TMEM132C: variants seen among roughly 807,000 people sequenced by gnomAD.
TMEM132C encodes protein phosphatase 1, regulatory subunit 152.
TMEM132C carries 29 observed loss-of-function variants against 61.4 expected under a neutral mutation model. The observed-to-expected ratio is 0.47, with a 90% CI of 0.35 to 0.64. The LOEUF is 0.64. Among genes scored for constraint, TMEM132C ranks in the 30% least tolerant of loss-of-function variants. TMEM132C has a pLI of 0.00. For synonymous variants in TMEM132C, 656 were observed against 633.1 expected, an observed-to-expected ratio of 1.04 and a Z score of -0.54; for missense variants, 1,408 against 1,476.9, an observed-to-expected ratio of 0.95 and a Z score of 0.76.
intron 1 of TMEM132C, among the ~76,000 whole-genome samples, chr12:128,328,540 G>A (rs941420206): frequency 2.7e-4 from 41 of 152,286 alleles, no homozygotes; most frequent in Admixed American, 1.3e-3. Flanking sequence ...TGTAATCCCA[G>A]CACTTTGGGA....
chr12:128,622,354 A>AT (rs1953971029), intron 4 of TMEM132C, among the ~76,000 whole-genome samples: 2 of 66,280 alleles, frequency 3.0e-5, no homozygotes, highest in Non-Finnish European at 2.9e-5. Context: ...AAAAAAAAAA[A>AT]AAAAAAATAT....
At chr12:128,591,195 T>A (rs554810524) in intron 3 of TMEM132C, among the ~76,000 whole-genome samples, 1 of 152,340 alleles carries the variant, frequency 6.6e-6, no homozygotes, top group Admixed American at 6.5e-5. Context: ...TGCAGAACTA[T>A]CACCACAATC....
chr12:128,607,273 G>A (rs1169206627), intron 3 of TMEM132C, among the ~76,000 whole-genome samples: 1 of 152,192 alleles, frequency 6.6e-6, no homozygotes, highest in East Asian at 1.9e-4. Context: ...TGAGCAAGGG[G>A]AGGGGTAGGA....
chr12:128,281,521 T>A (rs1408378372), intron 1 of TMEM132C, among the ~76,000 whole-genome samples: 1 of 152,232 alleles, frequency 6.6e-6, no homozygotes, highest in Non-Finnish European at 1.5e-5. Context: ...TCAAATGACC[T>A]AATGTCTATT....
chr12:128,578,770 G>A (rs1028059635), intron 3 of TMEM132C, among the ~76,000 whole-genome samples: 1 of 151,990 alleles, frequency 6.6e-6, no homozygotes, highest in Admixed American at 6.6e-5. Context: ...GCTAATTTTT[G>A]TATTTTTAGT....
At chr12:128,501,180 A>G (rs905526233) in intron 2 of TMEM132C, among the ~76,000 whole-genome samples, 2 of 152,104 alleles carry the variant, frequency 1.3e-5, no homozygotes, top group Admixed American at 6.5e-5. Context: ...CTAAGACTCT[A>G]TTCCATGGTA....
chr12:128,701,181 T>C (rs891731809), intron 8 of TMEM132C, among the ~76,000 whole-genome samples: 1 of 151,662 alleles, frequency 6.6e-6, no homozygotes, highest in African/African-American at 2.4e-5. Flanking sequence ...CCTTGGCACA[T>C]CTTGCTGTAG....
intron 2 of TMEM132C, among the ~76,000 whole-genome samples, chr12:128,468,804 AAAG>A (rs1218299056): frequency 6.6e-6 from 1 of 152,212 alleles, no homozygotes; most frequent in Non-Finnish European, 1.5e-5. Context: ...TATTAGAAAA[AAAG>A]AAAACACTAT....
intron 4 of TMEM132C, among the ~76,000 whole-genome samples, chr12:128,640,825 G>C (rs575878162): frequency 6.6e-6 from 1 of 152,134 alleles, no homozygotes; most frequent in Non-Finnish European, 1.5e-5. Context: ...AGGTTGGGCC[G>C]CAGTGAGCCA....
intron 3 of TMEM132C, among the ~76,000 whole-genome samples, chr12:128,590,998 C>T (rs1477072282): frequency 6.6e-6 from 1 of 152,104 alleles, no homozygotes; most frequent in African/African-American, 2.4e-5. Flanking sequence ...GCCCAGGCTG[C>T]TCTCAGACTC....
chr12:128,318,546 C>T (rs1300134910), intron 1 of TMEM132C, among the ~76,000 whole-genome samples: 1 of 152,242 alleles, frequency 6.6e-6, no homozygotes, highest in African/African-American at 2.4e-5. Context: ...GAGTTAATTA[C>T]ATTCTTAATT....
intron 4 of TMEM132C, among the ~76,000 whole-genome samples, chr12:128,653,913 G>A (rs1245922286): frequency 6.6e-6 from 1 of 152,260 alleles, no homozygotes; most frequent in Middle Eastern, 3.4e-3. Flanking sequence ...CCAGAAGGGC[G>A]GGAATCCAAG....
intron 2 of TMEM132C, among the ~76,000 whole-genome samples, chr12:128,427,420 G>GTATA (rs1337431402): frequency 7.0e-6 from 1 of 143,048 alleles, no homozygotes; most frequent in African/African-American, 2.7e-5. Flanking sequence ...GTGTGTGTGT[G>GTATA]TGTGTGTGTA....
At chr12:128,656,081 C>T (rs567094896) in intron 4 of TMEM132C, among the ~76,000 whole-genome samples, 4 of 152,286 alleles carry the variant, frequency 2.6e-5, no homozygotes, top group East Asian at 1.9e-4. Flanking sequence ...GAAGGAGTCT[C>T]GCTCTGTCGC....
chr12:128,399,018 C>A (rs1568251), intron 1 of TMEM132C, among the ~76,000 whole-genome samples: 11,887 of 152,174 alleles, frequency 0.078, 1,603 homozygotes, highest in African/African-American at 0.27. Context: ...CTGGTGTATT[C>A]TTTTCTCTTT....
chr12:128,435,549 G>A (rs966941555), intron 2 of TMEM132C, among the ~76,000 whole-genome samples: 1 of 152,130 alleles, frequency 6.6e-6, no homozygotes, highest in Admixed American at 6.5e-5. Context: ...ATTCACAATT[G>A]CTACAAAGAG....
Position 128,616,212 on chromosome 12 carries a change from C to T in TMEM132C, c.1182C>T (p.Ser394=). The T allele has an allele frequency of 1.0e-5, 16 of 1,551,768 alleles. No homozygotes were observed. The highest frequency in any genetic ancestry group is 1.3e-5 in the Non-Finnish European group (15 of 1,146,990). Residue 394 remains serine (S), a synonymous_variant, in exon 4 of 9, where the codon AGC becomes AGT. Coordinates refer to ENST00000435159, the MANE Select transcript of TMEM132C (RefSeq NM_001136103.3). ...QMNFEIASFS[S]LSGTQPITWQ... ...ACTTTGAAATAGCCAGTTTCAGCAG[C>T]CTTTCAGGGACTCAGCCCATCACGT...
At chr12:128,664,574 T>C (rs1381159945) in intron 4 of TMEM132C, among the ~76,000 whole-genome samples, 4 of 152,238 alleles carry the variant, frequency 2.6e-5, no homozygotes, top group Non-Finnish European at 4.4e-5. Flanking sequence ...TGAGACAGTG[T>C]TGATAAGCGG....
At chr12:128,651,979 G>A (rs1954275517) in intron 4 of TMEM132C, among the ~76,000 whole-genome samples, 1 of 152,152 alleles carries the variant, frequency 6.6e-6, no homozygotes, top group African/African-American at 2.4e-5. Context: ...AAGTTTTAAA[G>A]GGTTTTTAAC....
Sources: gnomAD v4.1 joint callset for allele counts (sites outside exome capture counted in the v4.1 genomes callset) on GRCh38, gnomAD v4.1.1 for gene constraint, MANE v1.5 for transcripts, NCBI Gene and HGNC (gene_info 2026-07-23, HGNC 2026-07-21) for gene names.